CDH18: variants seen among roughly 807,000 people sequenced by gnomAD.
The protein encoded by CDH18 is cadherin-18.
CDH18 carries 31 observed loss-of-function variants against 67.9 expected under a neutral mutation model. The ratio of observed to expected loss-of-function variants is 0.46; its 90% confidence interval spans 0.34 to 0.62. CDH18 has a LOEUF of 0.62. Among genes scored for constraint, CDH18 ranks in the 20% least tolerant of loss-of-function variants. CDH18 has a pLI of 0.01. For missense variants in CDH18, 890 were observed against 975.5 expected (o/e 0.91, Z 1.17); for synonymous variants, 362 against 347.2 (o/e 1.04, Z -0.48).
intron 5 of CDH18, among the ~76,000 whole-genome samples, chr5:19,612,829 C>A (rs76464942): frequency 1.3e-5 from 2 of 152,124 alleles, no homozygotes; most frequent in Admixed American, 1.3e-4. Context: ...ATGTCTATCT[C>A]TCTGCATTCC....
At chr5:20,376,305 G>A (rs1055880292) in intron 1 of CDH18, among the ~76,000 whole-genome samples, 1 of 151,250 alleles carries the variant, frequency 6.6e-6, no homozygotes, top group Admixed American at 6.6e-5. Flanking sequence ...AGCCAGGATG[G>A]TCTCGATTTC....
chr5:20,471,198 C>T (rs1483568127), intron 1 of CDH18, among the ~76,000 whole-genome samples: 1 of 152,172 alleles, frequency 6.6e-6, no homozygotes, highest in African/African-American at 2.4e-5. Flanking sequence ...ATTTTTGACA[C>T]TGTTGATCAC....
intron 2 of CDH18, among the ~76,000 whole-genome samples, chr5:20,229,628 A>G (rs760500983): frequency 3.9e-5 from 6 of 152,130 alleles, no homozygotes; most frequent in South Asian, 2.1e-4. Flanking sequence ...CTTATTTTCT[A>G]TTGATAATAT....
chr5:20,229,777 G>GGCAAAATT (rs1372826365), intron 2 of CDH18, among the ~76,000 whole-genome samples: 1 of 151,704 alleles, frequency 6.6e-6, no homozygotes, highest in East Asian at 1.9e-4. Context: ...TTTTTGTATG[G>GGCAAAATT]TTGTAATTCT....
chr5:19,663,074 C>CT lies in CDH18; in HGVS notation c.644-50474dup, dbSNP rs562312080. ...ACAAAAGTACTCATTTAACAACGTT[C>CT]TTTTTTCCCCAAATATTTACATATT... is the stretch of plus-strand genomic sequence containing the variant. On this transcript the variant is annotated intron_variant, in intron 5 of 12. Coordinates refer to ENST00000382275, the MANE Select transcript of CDH18 (RefSeq NM_004934.5). Among the ~76,000 whole-genome samples, 773 of 151,990 alleles carry CT rather than the reference C, an allele frequency of 5.1e-3. 6 individuals carry two copies. Among genetic ancestry groups the CT allele is most frequent in the Non-Finnish European group, 7.3e-3 (495 of 67,892 alleles).
At chr5:19,552,254 C>G (rs2127149370) in intron 8 of CDH18, among the ~76,000 whole-genome samples, 1 of 152,140 alleles carries the variant, frequency 6.6e-6, no homozygotes, top group Non-Finnish European at 1.5e-5. Flanking sequence ...GGCTTATTCC[C>G]TCTTTCATTG....
chr5:20,265,255 T>C (rs891302467), intron 1 of CDH18, among the ~76,000 whole-genome samples: 1 of 152,092 alleles, frequency 6.6e-6, no homozygotes, highest in Non-Finnish European at 1.5e-5. Flanking sequence ...CTGGTTATTA[T>C]AAAGAAAAAT....
chr5:20,561,799 AATTCCAGGTTCATG>A (rs1182000264), intron 1 of CDH18, among the ~76,000 whole-genome samples: 1 of 152,018 alleles, frequency 6.6e-6, no homozygotes, highest in Non-Finnish European at 1.5e-5. Context: ...AAGTTGAAAT[AATTCCAGGTTCATG>A]ATTGAACATT....
Position 20,393,803 on chromosome 5 carries a change from C to T in CDH18, c.-579-138298G>A, listed in dbSNP as rs1745061038. Among the ~76,000 whole-genome samples the T allele has an allele frequency of 1.3e-5, 2 of 151,810 alleles. 1 individual carries two copies. The highest frequency in any genetic ancestry group is 4.2e-4 in the South Asian group (2 of 4,814). On this transcript the variant is annotated intron_variant, in intron 1 of 14. Coordinates refer to the CDH18 transcript ENST00000507958. ...GCAAAAAATACAATACAATACAATA[C>T]AAAACAATACAATACAATTCAACAC...
At chr5:19,745,666 G>A (rs79187495) in intron 4 of CDH18, among the ~76,000 whole-genome samples, 2 of 152,098 alleles carry the variant, frequency 1.3e-5, no homozygotes, top group East Asian at 3.9e-4. Flanking sequence ...CAATAAGCCC[G>A]ACAGTATTCT....
chr5:20,543,510 T>C (rs746960310), intron 1 of CDH18, among the ~76,000 whole-genome samples: 1 of 152,146 alleles, frequency 6.6e-6, no homozygotes, highest in Non-Finnish European at 1.5e-5. Flanking sequence ...TGATTTGGAA[T>C]ATTTTTATGC....
intron 1 of CDH18, chr5:20,304,944 A>G: frequency 1.9e-6 from 3 of 1,613,812 alleles, no homozygotes; most frequent in East Asian, 2.2e-5. Flanking sequence ...TCACTATCCA[A>G]TCCCGCACGG....
intron 1 of CDH18, among the ~76,000 whole-genome samples, chr5:20,306,344 C>T (rs1736451550): frequency 6.6e-6 from 1 of 151,948 alleles, no homozygotes; most frequent in Non-Finnish European, 1.5e-5. Flanking sequence ...TTGTTGGTAA[C>T]ATTAATGTTG....
chr5:19,659,528 C>T (rs141778327), intron 5 of CDH18, among the ~76,000 whole-genome samples: 113 of 152,090 alleles, frequency 7.4e-4, no homozygotes, highest in African/African-American at 2.5e-3. Flanking sequence ...TATGAGAGTG[C>T]CAAATTATTA....
At chr5:20,151,662 T>C (rs1751112419) in intron 2 of CDH18, among the ~76,000 whole-genome samples, 1 of 152,156 alleles carries the variant, frequency 6.6e-6, no homozygotes. Context: ...TTTGTGACTT[T>C]TCAAAAATAG....
intron 2 of CDH18, among the ~76,000 whole-genome samples, chr5:20,048,186 A>G (rs1741073482): frequency 6.6e-6 from 1 of 151,636 alleles, no homozygotes; most frequent in African/African-American, 2.4e-5. Flanking sequence ...ATATAAATCT[A>G]TATTCTTTTA....
At chr5:20,172,230 A>ATG (rs1736866849) in intron 2 of CDH18, among the ~76,000 whole-genome samples, 2 of 96,678 alleles carry the variant, frequency 2.1e-5, no homozygotes, top group African/African-American at 3.9e-5. Flanking sequence ...ATATGTATAT[A>ATG]TATATATATG....
intron 5 of CDH18, among the ~76,000 whole-genome samples, chr5:19,636,382 C>T (rs1010770977): frequency 9.9e-5 from 15 of 151,782 alleles, no homozygotes; most frequent in South Asian, 8.3e-4. Flanking sequence ...TGCATCAAAA[C>T]GTTTTTTCCA....
Position 19,860,958 on chromosome 5 carries a change from G to T in CDH18, c.-256-21716C>A, listed in dbSNP as rs565988325. On this transcript the variant is annotated intron_variant, in intron 2 of 12. Transcript: ENST00000382275. The stretch of plus-strand genomic sequence containing the variant: ...TAGTAAATTTTGATGAAAACCAAAA[G>T]TTCATTCCATCTGAATGTAGGACTA... Among the ~76,000 whole-genome samples, 4 of 152,138 alleles carry T rather than the reference G, an allele frequency of 2.6e-5. No individual in the cohort carries two copies. In the East Asian group the frequency reaches 7.7e-4, roughly 29 times the overall value.
Sources: gnomAD v4.1 joint callset for allele counts (sites outside exome capture counted in the v4.1 genomes callset) on GRCh38, gnomAD v4.1.1 for gene constraint, MANE v1.5 for transcripts, NCBI Gene and HGNC (gene_info 2026-07-23, HGNC 2026-07-21) for gene names.